CLPB: variants seen among roughly 807,000 people sequenced by gnomAD.
CLPB encodes mitochondrial disaggregase.
Under a neutral mutation model 78.4 loss-of-function variants are expected in CLPB, and 40 were observed. That is an observed-to-expected ratio of 0.51 (90% CI 0.40 to 0.66). The LOEUF (loss-of-function observed/expected upper bound fraction) is 0.66, where lower values mean the gene tolerates loss of function less well. CLPB is among the 30% of genes least tolerant of loss of function. The pLI is 0.00. For missense variants in CLPB, 780 were observed against 886.9 expected (o/e 0.88, Z 1.53); for synonymous variants, 333 against 348.0 (o/e 0.96, Z 0.48).
intron 6 of CLPB, among the ~76,000 whole-genome samples, chr11:72,321,745 G>A (rs1425937975): frequency 6.6e-6 from 1 of 152,190 alleles, no homozygotes; most frequent in African/African-American, 2.4e-5. Flanking sequence ...AGGGGGAAGA[G>A]AAGAGAGGCC....
At chr11:72,406,610 A>T (rs1248716253) in intron 2 of CLPB, among the ~76,000 whole-genome samples, 1 of 152,160 alleles carries the variant, frequency 6.6e-6, no homozygotes, top group East Asian at 1.9e-4. Flanking sequence ...TGATGGAACA[A>T]AGTGTTGCAC....
intron 3 of CLPB, among the ~76,000 whole-genome samples, chr11:72,388,602 T>C (rs900469654): frequency 6.6e-6 from 1 of 152,176 alleles, no homozygotes; most frequent in Non-Finnish European, 1.5e-5. Context: ...CTGTGGGGTA[T>C]AGACAGGGCT....
At chr11:72,352,186 A>G (rs770048594) in intron 5 of CLPB, among the ~76,000 whole-genome samples, 6 of 152,214 alleles carry the variant, frequency 3.9e-5, no homozygotes, top group Non-Finnish European at 8.8e-5. Flanking sequence ...TGTAGCACAC[A>G]GCAAGAGTTG....
At chr11:72,431,381 G>A (rs977541289) in intron 1 of CLPB, among the ~76,000 whole-genome samples, 2 of 152,192 alleles carry the variant, frequency 1.3e-5, no homozygotes. Flanking sequence ...CAAATGCACT[G>A]GAGTAGAGTG....
intron 9 of CLPB, among the ~76,000 whole-genome samples, chr11:72,304,839 C>CT (rs1949717964): frequency 1.3e-5 from 2 of 152,172 alleles, no homozygotes; most frequent in South Asian, 2.1e-4. Context: ...TGGTAAAAGT[C>CT]TATTTTACAC....
intron 2 of CLPB, among the ~76,000 whole-genome samples, chr11:72,415,011 T>C (rs1366790555): frequency 1.3e-5 from 2 of 151,924 alleles, no homozygotes; most frequent in Non-Finnish European, 2.9e-5. Context: ...AGGTCAGAGG[T>C]TGAAGACCAG....
intron 15 of CLPB, 89 bp downstream of exon 15, chr11:72,293,933 G>A: frequency 8.8e-7 from 1 of 1,133,826 alleles, no homozygotes; most frequent in Non-Finnish European, 1.3e-6. Context: ...AAGCTATAGG[G>A]AGGCAGGCTG....
intron 4 of CLPB, among the ~76,000 whole-genome samples, chr11:72,364,894 G>A (rs1950913673): frequency 6.6e-6 from 1 of 152,164 alleles, no homozygotes; most frequent in Non-Finnish European, 1.5e-5. Flanking sequence ...TCTCACAAGA[G>A]TCAATGGCAA....
At chr11:72,416,691 G>A (rs1243860743) in intron 2 of CLPB, among the ~76,000 whole-genome samples, 6 of 144,160 alleles carry the variant, frequency 4.2e-5, no homozygotes, top group Admixed American at 7.1e-5. Context: ...AGCCAAGATC[G>A]CGCCACTGCA....
chr11:72,404,065 TG>T (rs1203652391), intron 2 of CLPB, among the ~76,000 whole-genome samples: 3 of 152,186 alleles, frequency 2.0e-5, no homozygotes, highest in Admixed American at 2.0e-4. Flanking sequence ...GGCAGTGCAG[TG>T]ACTGGTTGGC....
intron 5 of CLPB, among the ~76,000 whole-genome samples, chr11:72,341,863 T>A (rs1304460008): frequency 6.6e-6 from 1 of 152,202 alleles, no homozygotes; most frequent in East Asian, 1.9e-4. Flanking sequence ...CTGAAGGTTT[T>A]AAAGCAGGAA....
Position 72,434,325 on chromosome 11 carries a change from T to C in CLPB, c.150A>G (p.Val50=). The change falls in exon 1 of 16, where the codon GTA becomes GTG. Residue 50 remains valine (V), a synonymous_variant. Transcript: ENST00000538039. ...ATGTTCCAGGGCGCCCCCCGGTGGC[T>C]ACCCTCAGCCACTGCGGCTCCCCGA... ...GSLGEPQWLR[V]ATGGRPGTSP... 1.9e-6 allele frequency: 3 copies of C among 1,612,408 alleles called. No homozygotes were observed. The highest frequency in any genetic ancestry group is 3.3e-5 in the Admixed American group (2 of 60,016).
chr11:72,384,648 A>T (rs1193483312), intron 3 of CLPB, among the ~76,000 whole-genome samples: 1 of 152,220 alleles, frequency 6.6e-6, no homozygotes, highest in Non-Finnish European at 1.5e-5. Flanking sequence ...TACCTACAAG[A>T]GACTCACTTT....
chr11:72,308,440 C>A, intron 8 of CLPB, 87 bp downstream of exon 8: 1 of 1,192,170 alleles, frequency 8.4e-7, no homozygotes, highest in South Asian at 1.2e-5. Flanking sequence ...ACCTGCTGAC[C>A]CTGGCCCGCA....
intron 3 of CLPB, among the ~76,000 whole-genome samples, chr11:72,395,308 G>A (rs370804141): frequency 6.6e-6 from 1 of 152,192 alleles, no homozygotes; most frequent in East Asian, 1.9e-4. Context: ...TGATAGAGCC[G>A]ACTTGACTCC....
At chr11:72,385,123 G>C (rs1855037315) in intron 3 of CLPB, among the ~76,000 whole-genome samples, 1 of 152,196 alleles carries the variant, frequency 6.6e-6, no homozygotes, top group Admixed American at 6.5e-5. Context: ...GAACATTAAA[G>C]GTCTCCCCTT....
intron 8 of CLPB, among the ~76,000 whole-genome samples, 196 bp from the exon 9 acceptor site, chr11:72,307,450 C>T (rs1398376800): frequency 6.6e-6 from 1 of 152,204 alleles, no homozygotes; most frequent in African/African-American, 2.4e-5. Flanking sequence ...TCAAAGTCTG[C>T]ACCTGCATCT....
chr11:72,325,657 A>T (rs974613080), intron 6 of CLPB, among the ~76,000 whole-genome samples: 2 of 152,364 alleles, frequency 1.3e-5, no homozygotes, highest in African/African-American at 4.8e-5. Flanking sequence ...ATCACCAATA[A>T]TATTAAGTGA....
intron 1 of CLPB, among the ~76,000 whole-genome samples, chr11:72,431,588 C>T (rs1856546570): frequency 6.6e-6 from 1 of 152,188 alleles, no homozygotes; most frequent in South Asian, 2.1e-4. Flanking sequence ...AGGGACAGGT[C>T]CTTTCTACTT....
Sources: gnomAD v4.1 joint callset for allele counts (sites outside exome capture counted in the v4.1 genomes callset) on GRCh38, gnomAD v4.1.1 for gene constraint, MANE v1.5 for transcripts, NCBI Gene and HGNC (gene_info 2026-07-23, HGNC 2026-07-21) for gene names.